Variants in BICD1 observed in about 807,000 individuals in gnomAD.
BICD1 encodes the protein BICD cargo adaptor 1, also known as protein bicaudal D homolog 1.
A neutral mutation model predicts 92.5 loss-of-function variants in BICD1; 35 were observed. That is an observed-to-expected ratio of 0.38 (90% CI 0.29 to 0.50). The LOEUF (loss-of-function observed/expected upper bound fraction) is 0.50. BICD1 is among the 20% of genes least tolerant of loss of function. BICD1 has a pLI of 0.93. For synonymous variants in BICD1, 429 were observed against 465.1 expected (o/e 0.92, Z 1.00); for missense variants, 950 against 1,189.8 (o/e 0.80, Z 2.97).
In BICD1 at chr12:32,383,084, C is replaced by T. The variant is rs1274639114; in HGVS notation, c.*5457C>T. 6.6e-6 allele frequency: 1 copy of T among 152,018 alleles called. No homozygotes were observed. Among genetic ancestry groups the T allele is most frequent in the Admixed American group, 6.6e-5 (1 of 15,262 alleles). 9.4% of individuals were successfully genotyped at this position (152,018 alleles called of 1,614,324 possible). ...CTTATGTGATGAACCATCCATGATTCTGATATTGTATTTCTTTCCAGTATT... is the reference window on the plus strand; with the variant it reads ...CTTATGTGATGAACCATCCATGATTTTGATATTGTATTTCTTTCCAGTATT... On this transcript the variant is annotated 3_prime_UTR_variant, in exon 10 of 10. Coordinates refer to ENST00000652176, the MANE Select transcript of BICD1 (RefSeq NM_001714.4).
At chr12:32,128,122 T>TA (rs1942409275) in intron 1 of BICD1, among the ~76,000 whole-genome samples, 1 of 152,200 alleles carries the variant, frequency 6.6e-6, no homozygotes, top group African/African-American at 2.4e-5. Context: ...CAGGCTGGTC[T>TA]CAAACTCCTG....
rs1366590859 is a variant in BICD1 at position 32,302,331 on chromosome 12, T to C, written c.580-3366T>C. Among the ~76,000 whole-genome samples the C allele has an allele frequency of 2.0e-5, 3 of 152,338 alleles. No homozygotes were observed. In the East Asian group the frequency reaches 5.8e-4, roughly 29 times the overall value. On this transcript the variant is annotated intron_variant, in intron 3 of 9. Transcript: ENST00000652176. ...GCACATCTATAGGCTCGATGGTCTA[T>C]GGGCACCCCTTGTGATCTCTGCTTT...
At chr12:32,114,081 C>T (rs1941801410) in intron 1 of BICD1, among the ~76,000 whole-genome samples, 1 of 152,054 alleles carries the variant, frequency 6.6e-6, no homozygotes, top group African/African-American at 2.4e-5. Flanking sequence ...CCATGTTGGC[C>T]AGAGTGGTCT....
intron 4 of BICD1, among the ~76,000 whole-genome samples, chr12:32,309,559 G>C (rs528546268): frequency 6.6e-4 from 100 of 152,286 alleles, no homozygotes; most frequent in Non-Finnish European, 1.0e-4. Context: ...ACACCAGTCA[G>C]GTGCAGTTTG....
intron 1 of BICD1, among the ~76,000 whole-genome samples, chr12:32,133,333 C>G (rs768090738): frequency 1.3e-4 from 20 of 151,844 alleles, no homozygotes; most frequent in Non-Finnish European, 2.1e-4. Flanking sequence ...ACTAAAAATG[C>G]AAAAATTAGC....
chr12:32,197,211 G>T (rs1221909288), intron 1 of BICD1, among the ~76,000 whole-genome samples: 2 of 152,032 alleles, frequency 1.3e-5, no homozygotes, highest in African/African-American at 2.4e-5. Context: ...GTTTCACCAT[G>T]TTGGCCAGGC....
rs1317931293 is a variant in BICD1 at position 32,295,673 on chromosome 12, C to T, written c.579+1527C>T. On this transcript the variant is annotated intron_variant, in intron 3 of 9. Coordinates refer to ENST00000652176, the MANE Select transcript of BICD1 (RefSeq NM_001714.4). ...TTTGATTTCTTTTTTTTTTTTTTTGCGACAGAGTCTTGCTGTGTTGCCCAG... is the reference window on the plus strand; with the variant it reads ...TTTGATTTCTTTTTTTTTTTTTTTGTGACAGAGTCTTGCTGTGTTGCCCAG... Among the ~76,000 whole-genome samples the T allele has an allele frequency of 7.3e-5, 9 of 122,768 alleles. No homozygotes were observed. The South Asian group carries it at 1.3e-3, about 18-fold the overall frequency. 80.5% of individuals were successfully genotyped at this position (122,768 alleles called of 152,430 possible).
chr12:32,183,344 C>T (rs759476435), intron 1 of BICD1, among the ~76,000 whole-genome samples: 3 of 149,626 alleles, frequency 2.0e-5, no homozygotes, highest in Non-Finnish European at 4.4e-5. Flanking sequence ...GCGATCTTGG[C>T]TCATTGCAAC....
intron 1 of BICD1, among the ~76,000 whole-genome samples, chr12:32,210,274 G>C (rs161959): frequency 0.53 from 81,005 of 151,990 alleles, 22,068 homozygotes; most frequent in Admixed American, 0.62. Flanking sequence ...CAAATCAAAA[G>C]TATTTTGTCT....
At chr12:32,161,492 C>T (rs1458910121) in intron 1 of BICD1, among the ~76,000 whole-genome samples, 2 of 152,192 alleles carry the variant, frequency 1.3e-5, no homozygotes, top group East Asian at 1.9e-4. Context: ...TTATCGTTAC[C>T]AGTTTCAATT....
intron 8 of BICD1, chr12:32,340,614 GT>G (rs1278860412): frequency 3.3e-5 from 15 of 458,968 alleles, no homozygotes; most frequent in Non-Finnish European, 4.1e-5. Flanking sequence ...AACAATAACT[GT>G]TTTCATTTTT....
intron 4 of BICD1, among the ~76,000 whole-genome samples, chr12:32,307,412 ATGT>A (rs1206079234): frequency 5.3e-5 from 8 of 152,240 alleles, no homozygotes; most frequent in Admixed American, 5.2e-4. Context: ...TGTAATGGAA[ATGT>A]TGTTTAAGAA....
intron 1 of BICD1, among the ~76,000 whole-genome samples, chr12:32,198,330 C>CTATATATATATATATATA (rs749446989): frequency 3.4e-5 from 4 of 117,778 alleles, no homozygotes; most frequent in Non-Finnish European, 6.7e-5. Flanking sequence ...ATGCATCTAT[C>CTATATATATATATATATA]TATATATATA....
At chr12:32,280,536 A>G (rs1008953348) in intron 2 of BICD1, among the ~76,000 whole-genome samples, 1 of 152,224 alleles carries the variant, frequency 6.6e-6, no homozygotes, top group East Asian at 1.9e-4. Context: ...GTCTCAGGTG[A>G]TAAAGATGTT....
chr12:32,242,847 T>G (rs1197431833), intron 2 of BICD1, among the ~76,000 whole-genome samples: 1 of 152,216 alleles, frequency 6.6e-6, no homozygotes, highest in Non-Finnish European at 1.5e-5. Context: ...TTGCCAGGGT[T>G]TAACACTGGC....
rs1344483301 is a variant in BICD1, at chr12:32,377,789, C to A, written c.*162C>A. The A allele has an allele frequency of 3.2e-6, 2 of 624,780 alleles. No individual in the cohort carries two copies. The highest frequency in any genetic ancestry group is 5.6e-6 in the Non-Finnish European group (2 of 356,260). 38.7% of individuals were successfully genotyped at this position (624,780 alleles called of 1,614,324 possible). A position where few individuals can be genotyped will look rare whatever the true frequency, so the allele number is the denominator to read the frequency against. On this transcript the variant is annotated 3_prime_UTR_variant, in exon 10 of 10. Transcript: ENST00000652176. ...AGAGAAAGTTGAGAAGAACACGAAG[C>A]ACAGACCCTGATGTGATAAAACATT...
At chr12:32,302,931 C>CT (rs572736411) in intron 3 of BICD1, among the ~76,000 whole-genome samples, 16,955 of 57,436 alleles carry the variant, frequency 0.3, 1,821 homozygotes, top group African/African-American at 0.41. Context: ...TAATGTATTT[C>CT]TTTTTTTTTT....
chr12:32,302,114 C>A (rs1414452742), intron 3 of BICD1, among the ~76,000 whole-genome samples: 1 of 152,114 alleles, frequency 6.6e-6, no homozygotes, highest in Non-Finnish European at 1.5e-5. Context: ...TCTTGATCTC[C>A]TGACCTCGTG....
At chr12:32,238,683 G>A (rs1465998269) in intron 2 of BICD1, among the ~76,000 whole-genome samples, 6 of 152,094 alleles carry the variant, frequency 3.9e-5, no homozygotes, top group South Asian at 4.1e-4. Context: ...GGTGGCTCAC[G>A]CCTGTAATCC....
Sources: allele counts gnomAD v4.1 joint callset (sites outside exome capture counted in the v4.1 genomes callset), GRCh38; gene constraint gnomAD v4.1.1; transcripts MANE v1.5; gene names NCBI Gene and HGNC (gene_info 2026-07-23, HGNC 2026-07-21).